The following CREB5 variants were observed in gnomAD, a reference collection of about 807,000 sequenced individuals.
The protein encoded by CREB5 is cAMP responsive element binding protein 5.
Under a neutral mutation model 57.1 loss-of-function variants are expected in CREB5, and 19 were observed. The observed-to-expected ratio is 0.33, with a 90% CI of 0.23 to 0.49. The LOEUF is 0.49. Among genes scored for constraint, CREB5 ranks in the 20% least tolerant of loss-of-function variants. The probability of loss-of-function intolerance (pLI) is 0.99; values close to 1 mark genes in which losing one functional copy is unlikely to be tolerated. For missense variants in CREB5, 579 were observed against 671.6 expected (o/e 0.86, Z 1.52); for synonymous variants, 238 against 238.3 (o/e 1.00, Z 0.01).
intron 1 of CREB5, among the ~76,000 whole-genome samples, chr7:28,486,310 G>A (rs1415677479): frequency 6.6e-6 from 1 of 151,980 alleles, no homozygotes; most frequent in Non-Finnish European, 1.5e-5. Flanking sequence ...AGTGTTTGTG[G>A]GGGAAAGCTG....
At chr7:28,363,820 T>A (rs868156913) in intron 1 of CREB5, among the ~76,000 whole-genome samples, 4 of 152,316 alleles carry the variant, frequency 2.6e-5, no homozygotes, top group South Asian at 2.1e-4. Context: ...TTTGTTCTCA[T>A]CTGTGAAATG....
intron 5 of CREB5, among the ~76,000 whole-genome samples, chr7:28,680,619 C>T (rs1002112997): frequency 1.3e-5 from 2 of 152,168 alleles, no homozygotes; most frequent in East Asian, 1.9e-4. Context: ...ATTAGCCAAG[C>T]ATGGTGGTGC....
intron 7 of CREB5, among the ~76,000 whole-genome samples, chr7:28,755,977 A>G (rs2128766565): frequency 6.6e-6 from 1 of 152,312 alleles, no homozygotes; most frequent in South Asian, 2.1e-4. Context: ...GGGCATAAAG[A>G]ACAATACAAT....
chr7:28,767,161 A>G (rs543811363), intron 7 of CREB5, among the ~76,000 whole-genome samples: 84 of 152,366 alleles, frequency 5.5e-4, no homozygotes, highest in Non-Finnish European at 8.4e-4. Flanking sequence ...CAAAATCAAA[A>G]TGACTTCATT....
chr7:28,399,543 A>G (rs1787407822), intron 1 of CREB5, among the ~76,000 whole-genome samples: 1 of 152,186 alleles, frequency 6.6e-6, no homozygotes, highest in South Asian at 2.1e-4. Flanking sequence ...GAGAAAGAAT[A>G]TCCTATTCAA....
chr7:28,675,299 T>C (rs971843035), intron 5 of CREB5, among the ~76,000 whole-genome samples: 1 of 152,238 alleles, frequency 6.6e-6, no homozygotes, highest in African/African-American at 2.4e-5. Context: ...ATCTCGTTTG[T>C]TTTGTTTCCT....
chr7:28,347,335 C>A (rs1460355428), intron 1 of CREB5, among the ~76,000 whole-genome samples: 1 of 152,182 alleles, frequency 6.6e-6, no homozygotes, highest in African/African-American at 2.4e-5. Context: ...GGAGACCTGT[C>A]CCCTCTCTGC....
intron 5 of CREB5, among the ~76,000 whole-genome samples, chr7:28,616,487 T>C (rs1356601164): frequency 6.6e-6 from 1 of 151,954 alleles, no homozygotes. Context: ...ACCTAATGGG[T>C]ACCCAGAAAC....
chr7:28,796,879 T>C (rs1249320075), intron 7 of CREB5, among the ~76,000 whole-genome samples: 1 of 152,202 alleles, frequency 6.6e-6, no homozygotes, highest in Non-Finnish European at 1.5e-5. Context: ...TAGCTCTGGC[T>C]CTCAGGATAG....
intron 5 of CREB5, among the ~76,000 whole-genome samples, chr7:28,586,000 T>G (rs1001206866): frequency 1.3e-5 from 2 of 152,244 alleles, no homozygotes; most frequent in Non-Finnish European, 2.9e-5. Context: ...TCTCCTATCT[T>G]TAGAACTTTG....
At chr7:28,414,168 C>CCTT (rs982151339) in intron 1 of CREB5, among the ~76,000 whole-genome samples, 7 of 151,786 alleles carry the variant, frequency 4.6e-5, no homozygotes, top group Admixed American at 3.3e-4. Flanking sequence ...TTCTCCTTCT[C>CCTT]CTTCTTCTTC....
intron 1 of CREB5, among the ~76,000 whole-genome samples, chr7:28,456,921 G>C (rs1023642483): frequency 2.0e-5 from 3 of 152,162 alleles, no homozygotes; most frequent in African/African-American, 7.2e-5. Flanking sequence ...ATTACAGATG[G>C]GTAATTTATA....
chr7:28,436,065 T>A (rs1274123293), intron 1 of CREB5, among the ~76,000 whole-genome samples: 2 of 152,044 alleles, frequency 1.3e-5, no homozygotes, highest in Non-Finnish European at 2.9e-5. Flanking sequence ...CCTTTTTCTT[T>A]TGTTTTATTT....
chr7:28,409,815 G>GGCGT, upstream of CREB5: 1 of 449,816 alleles, frequency 2.2e-6, no homozygotes, highest in Non-Finnish European at 4.5e-6. This position sits in a 1 kb window ranked among gnomAD's most constrained non-coding sequence, Gnocchi z 4.4. Context: ...GAGTCCGCCC[G>GGCGT]GCGTGCGTGC....
At chr7:28,575,948 T>A (rs553294272) in intron 5 of CREB5, among the ~76,000 whole-genome samples, 139 of 152,354 alleles carry the variant, frequency 9.1e-4, no homozygotes, top group African/African-American at 3.2e-3. Flanking sequence ...TGAGGAAATA[T>A]AATGTTTCTT....
At chr7:28,676,984 G>C (rs1337034351) in intron 5 of CREB5, among the ~76,000 whole-genome samples, 1 of 152,178 alleles carries the variant, frequency 6.6e-6, no homozygotes, top group Non-Finnish European at 1.5e-5. Context: ...TTATGTTACT[G>C]TGAACACAGA....
chr7:28,447,397 G>A lies in CREB5; in HGVS notation c.3+34480G>A, dbSNP rs138857381. Among the ~76,000 whole-genome samples the A allele has an allele frequency of 2.9e-3, 446 of 152,330 alleles. 2 individuals are homozygous for A. The highest frequency in any genetic ancestry group is 0.029 in the East Asian group (148 of 5,184). On this transcript the variant is annotated intron_variant, in intron 1 of 10. Coordinates refer to ENST00000357727, the MANE Select transcript of CREB5 (RefSeq NM_182898.4). ...AACTCTGAAAGTTCCCTTCAAACAA[G>A]TTTCTTCATTTGGTAGCTGCACACC...
intron 1 of CREB5, among the ~76,000 whole-genome samples, chr7:28,424,175 C>T (rs775544472): frequency 6.6e-6 from 1 of 152,224 alleles, no homozygotes; most frequent in Non-Finnish European, 1.5e-5. Context: ...AGAGCCCACA[C>T]TAATGACCTC....
intron 9 of CREB5, among the ~76,000 whole-genome samples, chr7:28,814,438 A>C (rs1294765194): frequency 6.6e-6 from 1 of 152,202 alleles, no homozygotes; most frequent in African/African-American, 2.4e-5. Context: ...TTTGCTCTAA[A>C]ATGAAACTAT....
Sources: allele counts gnomAD v4.1 joint callset (sites outside exome capture counted in the v4.1 genomes callset), GRCh38; gene constraint gnomAD v4.1.1; non-coding constraint Gnocchi (gnomAD v3.1); transcripts MANE v1.5; gene names NCBI Gene and HGNC (gene_info 2026-07-23, HGNC 2026-07-21).